The following SIPA1L3 variants were observed in gnomAD, a reference collection of about 807,000 sequenced individuals.
SIPA1L3 encodes signal induced proliferation associated 1 like 3, also known as signal-induced proliferation-associated 1-like protein 3.
SIPA1L3 carries 59 observed loss-of-function variants against 150.1 expected under a neutral mutation model. The ratio of observed to expected loss-of-function variants is 0.39; its 90% CI spans 0.32 to 0.49. SIPA1L3 has a LOEUF of 0.49. SIPA1L3 is among the 20% of genes least tolerant of loss of function. The pLI, the probability that SIPA1L3 is intolerant of heterozygous loss-of-function variation, is 0.86. For missense variants in SIPA1L3, 2,211 were observed against 2,489.5 expected, an observed-to-expected ratio of 0.89 and a Z score of 2.38; for synonymous variants, 1,070 against 1,077.6, an observed-to-expected ratio of 0.99 and a Z score of 0.14.
intron 2 of SIPA1L3, among the ~76,000 whole-genome samples, chr19:38,053,165 A>C (rs1473893258): frequency 6.6e-6 from 1 of 152,214 alleles, no homozygotes; most frequent in Non-Finnish European, 1.5e-5. Flanking sequence ...GGGAGATGGA[A>C]GGTGCCCAGA....
At position 38,164,331 on chromosome 19, in the gene SIPA1L3, G is replaced by A. The variant is rs1349852649; in HGVS notation, c.3781-148G>A. ...GAGGCTGAGGGAAGGTAAATCACTT[G>A]CCCAAGGTAACACGGCCAGTAGATG... is the stretch of plus-strand genomic sequence containing the variant. On this transcript the variant is annotated intron_variant, in intron 14 of 21. Coordinates refer to ENST00000222345, the MANE Select transcript of SIPA1L3 (RefSeq NM_015073.3). This position sits in a 1 kb window ranked among gnomAD's most constrained non-coding sequence, Gnocchi z 4.1. 13 of 750,228 alleles carry A rather than the reference G, an allele frequency of 1.7e-5. No individual in the cohort carries two copies. The highest frequency in any genetic ancestry group is 2.9e-5 in the Non-Finnish European group (13 of 454,160). The allele number at this position is 750,228 out of a possible 1,614,324, so 46.5% of individuals were successfully genotyped here. A position where few individuals can be genotyped will look rare whatever the true frequency, so the allele number is the denominator to read the frequency against.
intron 15 of SIPA1L3, among the ~76,000 whole-genome samples, chr19:38,178,088 T>G (rs377475278): frequency 1.7e-3 from 13 of 7,592 alleles, no homozygotes; most frequent in South Asian, 9.5e-3. Context: ...AGGCTTTTGG[T>G]GTGTGTGTGT....
In SIPA1L3 at chr19:38,030,945, G is replaced by A. The variant is rs553893815; in HGVS notation, c.-311+1789G>A. ...ATTCAGACCCTGGATGCAGGTAGCC[G>A]TGTCGGCCAAGCTGCGGGAACTGAG... On this transcript the variant is annotated intron_variant, in intron 2 of 21. Coordinates refer to ENST00000222345, the MANE Select transcript of SIPA1L3 (RefSeq NM_015073.3). Among the ~76,000 whole-genome samples the A allele has an allele frequency of 1.2e-4, 18 of 152,196 alleles. No homozygotes were observed. In the South Asian group the frequency reaches 3.1e-3, roughly 26 times the overall value.
intron 1 of SIPA1L3, among the ~76,000 whole-genome samples, chr19:37,954,956 G>T (rs1412912877): frequency 6.6e-6 from 1 of 151,870 alleles, no homozygotes; most frequent in Non-Finnish European, 1.5e-5. Context: ...GCATTGTGGT[G>T]CATGCCTGTA....
intron 16 of SIPA1L3, 47 bp downstream of exon 16, chr19:38,182,787 G>C: frequency 6.9e-7 from 1 of 1,459,714 alleles, no homozygotes; most frequent in Non-Finnish European, 9.4e-7. Context: ...TCCACACCAG[G>C]GCGTCTCCGG....
chr19:38,040,433 A>T (rs907781446), intron 2 of SIPA1L3, among the ~76,000 whole-genome samples: 2 of 152,028 alleles, frequency 1.3e-5, no homozygotes, highest in African/African-American at 4.8e-5. Flanking sequence ...AGGTTTTTTT[A>T]AAAAACCAAC....
At chr19:37,997,780 C>T (rs960357113) in intron 1 of SIPA1L3, among the ~76,000 whole-genome samples, 78 of 150,652 alleles carry the variant, frequency 5.2e-4, no homozygotes, top group Non-Finnish European at 9.9e-4. Context: ...GCGGGAGAAT[C>T]GCTTGAACCT....
chr19:38,141,476 C>G (rs1261594123), intron 11 of SIPA1L3, 41 bp downstream of exon 11: 1 of 1,573,606 alleles, frequency 6.4e-7, no homozygotes. Flanking sequence ...CCAACCCCCA[C>G]CAGCCCACAC....
intron 1 of SIPA1L3, among the ~76,000 whole-genome samples, chr19:37,922,169 C>T (rs747164252): frequency 2.6e-5 from 4 of 151,724 alleles, no homozygotes; most frequent in African/African-American, 4.8e-5. Context: ...ACTGCAACCT[C>T]GGCCCCACCG....
chr19:37,912,034 T>C (rs2046381609), intron 1 of SIPA1L3, among the ~76,000 whole-genome samples: 1 of 151,796 alleles, frequency 6.6e-6, no homozygotes, highest in Non-Finnish European at 1.5e-5. Flanking sequence ...ATTGTGCCAC[T>C]GCACTCCAGC....
intron 1 of SIPA1L3, among the ~76,000 whole-genome samples, chr19:37,998,262 G>C (rs975594402): frequency 6.6e-6 from 1 of 152,172 alleles, no homozygotes; most frequent in Non-Finnish European, 1.5e-5. Flanking sequence ...CTCTGTTACT[G>C]CAGGCTGAGA....
intron 1 of SIPA1L3, among the ~76,000 whole-genome samples, chr19:37,922,519 G>A (rs559057268): frequency 8.4e-4 from 127 of 151,720 alleles, no homozygotes; most frequent in African/African-American, 2.6e-3. Context: ...TCAGCCTCCC[G>A]AGTAGCTGGG....
chr19:37,958,840 A>G (rs2046833240), intron 1 of SIPA1L3, among the ~76,000 whole-genome samples: 3 of 152,262 alleles, frequency 2.0e-5, no homozygotes. Flanking sequence ...CAACTTGACA[A>G]TATAAAAACA....
At chr19:37,958,414 A>C (rs1488979792) in intron 1 of SIPA1L3, among the ~76,000 whole-genome samples, 1 of 152,216 alleles carries the variant, frequency 6.6e-6, no homozygotes, top group Non-Finnish European at 1.5e-5. Flanking sequence ...CAACCGAGTG[A>C]GTCCCTGTCT....
At chr19:38,029,066 C>G (rs1024450394) in intron 1 of SIPA1L3, 23 bp from the exon 2 acceptor site, 2 of 152,242 alleles carry the variant, frequency 1.3e-5, no homozygotes, top group Non-Finnish European at 2.9e-5. Context: ...AGAGACCTAA[C>G]CTCTTCTTTT....
intron 2 of SIPA1L3, among the ~76,000 whole-genome samples, chr19:38,032,350 C>A (rs1265551966): frequency 6.6e-6 from 1 of 152,276 alleles, no homozygotes; most frequent in Middle Eastern, 3.4e-3. Context: ...ACGTGGTAAC[C>A]AGGGCCTTAG....
chr19:37,960,859 TA>T (rs894366123), intron 1 of SIPA1L3, among the ~76,000 whole-genome samples: 1 of 150,700 alleles, frequency 6.6e-6, no homozygotes, highest in Admixed American at 6.6e-5. Flanking sequence ...CAGCCAATTT[TA>T]AAAAAAAATA....
At position 38,046,220 on chromosome 19, in the gene SIPA1L3, C is replaced by G. The variant is rs559558720; in HGVS notation, c.-311+17064C>G. 6.6e-6 allele frequency among the ~76,000 whole-genome samples: 1 copy of G among 152,250 alleles called. No individual in the cohort carries two copies. The highest frequency in any genetic ancestry group is 1.5e-5 in the Non-Finnish European group (1 of 68,022). On this transcript the variant is annotated intron_variant, in intron 2 of 21. Transcript: ENST00000222345. This position sits in a 1 kb window ranked among gnomAD's most constrained non-coding sequence, Gnocchi z 5.6. ...AAGCAGCTTGCTGGTCCATCCCAGG[C>G]TGCTGGGAGGCCCGAGAAACAGGTC...
intron 1 of SIPA1L3, among the ~76,000 whole-genome samples, chr19:37,944,561 G>A (rs1755237529): frequency 6.6e-6 from 1 of 152,170 alleles, no homozygotes; most frequent in Non-Finnish European, 1.5e-5. Context: ...GATTTACCCT[G>A]TTAATGTATT....
Sources: allele counts gnomAD v4.1 joint callset (sites outside exome capture counted in the v4.1 genomes callset), GRCh38; gene constraint gnomAD v4.1.1; non-coding constraint Gnocchi (gnomAD v3.1); transcripts MANE v1.5; gene names NCBI Gene and HGNC (gene_info 2026-07-23, HGNC 2026-07-21).